The following RAPGEF4 variants were observed in gnomAD, a reference collection of about 807,000 sequenced individuals.
The protein encoded by RAPGEF4 is RAP guanine-nucleotide-exchange factor (GEF) 4.
Under a neutral mutation model 147.9 loss-of-function variants are expected in RAPGEF4, and 66 were observed. The observed-to-expected ratio is 0.45, with a 90% CI of 0.37 to 0.55. RAPGEF4 has a LOEUF of 0.55. RAPGEF4 is among the 20% of genes least tolerant of loss of function. The probability of loss-of-function intolerance (pLI) is 0.00; values close to 1 mark genes in which losing one functional copy is unlikely to be tolerated. For synonymous variants in RAPGEF4, 419 were observed against 442.7 expected (o/e 0.95, Z 0.67); for missense variants, 1,071 against 1,257.3 (o/e 0.85, Z 2.24).
At chr2:172,831,449 A>T (rs1270479302) in intron 4 of RAPGEF4, among the ~76,000 whole-genome samples, 1 of 151,304 alleles carries the variant, frequency 6.6e-6, no homozygotes, top group East Asian at 1.9e-4. Flanking sequence ...TTGTATGTTT[A>T]GTAGAGATGG....
chr2:172,751,718 T>C (rs1171858569), intron 1 of RAPGEF4, among the ~76,000 whole-genome samples: 7 of 152,208 alleles, frequency 4.6e-5, no homozygotes, highest in African/African-American at 1.7e-4. Flanking sequence ...CAGACTTTAC[T>C]AAATAGGTGG....
At position 172,988,786 on chromosome 2, in the gene RAPGEF4, G is replaced by A. The variant is rs776865942; in HGVS notation, c.1321G>A (p.Asp441Asn). ...AGCTGCCTCTATCGTCTTACGAGAAGATAACTGCCATTTCTTAAGAGTAGA... is the reference window on the plus strand; with the variant it reads ...AGCTGCCTCTATCGTCTTACGAGAAAATAACTGCCATTTCTTAAGAGTAGA... ...PRAASIVLRE[D>N]NCHFLRVDKE... Residue 441 changes from aspartate (D) to asparagine (N), a missense_variant, in exon 14 of 31, where the codon GAT (aspartate) becomes AAT (asparagine). Transcript: ENST00000397081. 1 of 1,613,694 alleles carries A rather than the reference G, an allele frequency of 6.2e-7. No individual in the cohort carries two copies. Among genetic ancestry groups the A allele is most frequent in the South Asian group, 1.1e-5 (1 of 91,080 alleles).
chr2:173,019,690 T>TC (rs893230243), intron 22 of RAPGEF4, among the ~76,000 whole-genome samples: 59 of 152,324 alleles, frequency 3.9e-4, no homozygotes, highest in African/African-American at 1.1e-3. Context: ...CCATTTCTGC[T>TC]CCAGTTGCAC....
At chr2:172,763,269 G>T (rs897751733) in intron 1 of RAPGEF4, among the ~76,000 whole-genome samples, 3 of 152,144 alleles carry the variant, frequency 2.0e-5, no homozygotes, top group African/African-American at 7.2e-5. Flanking sequence ...ACATTCAAAA[G>T]AATTTTTATA....
At chr2:172,987,723 G>T (rs144455320) in intron 12 of RAPGEF4, among the ~76,000 whole-genome samples, 23 of 152,338 alleles carry the variant, frequency 1.5e-4, no homozygotes, top group South Asian at 2.1e-4. Flanking sequence ...AGGGGCTTGA[G>T]CATCTGTGGA....
Position 172,797,588 on chromosome 2 carries a change from A to C in RAPGEF4, c.272A>C (p.Lys91Thr). The stretch of plus-strand genomic sequence containing the variant: ...GTCCTGGCAGGGTCTTTGGATGTTA[A>C]AGTATCTGAGACCAGCAGTCACCAG... ...YAVLAGSLDV[K>T]VSETSSHQDA... is the part of the protein sequence containing the mutation. The change falls in exon 3 of 31, where the codon AAA (lysine) becomes ACA (threonine). Residue 91 changes from lysine (K) to threonine (T), a missense_variant. Physicochemically the swap from Lys to Thr is moderately conservative, Grantham distance 78 (BLOSUM62 -1). Coordinates refer to ENST00000397081, the MANE Select transcript of RAPGEF4 (RefSeq NM_007023.4). 6.2e-7 allele frequency: 1 copy of C among 1,613,704 alleles called. No individual in the cohort carries two copies. The highest frequency in any genetic ancestry group is 1.1e-5 in the South Asian group (1 of 90,966).
chr2:172,985,318 T>C, intron 11 of RAPGEF4, 115 bp from the exon 12 acceptor site: 1 of 1,407,984 alleles, frequency 7.1e-7, no homozygotes, highest in South Asian at 1.2e-5. Context: ...AGGTGAGAGA[T>C]GACTGCATGG....
Position 172,974,175 on chromosome 2 carries a change from A to C in RAPGEF4, c.1004+6731A>C, listed in dbSNP as rs377055099. ...ATTTAACATTACTCCCATTTTATGG[A>C]CAAGGAGACAGAGGCTTAGGCTGAG... On this transcript the variant is annotated intron_variant, in intron 10 of 30. Transcript: ENST00000397081. Among the ~76,000 whole-genome samples, 15 of 152,306 alleles carry C rather than the reference A, an allele frequency of 9.8e-5. 1 individual carries two copies. Among genetic ancestry groups the C allele is most frequent in the African/African-American group, 3.4e-4 (14 of 41,562 alleles).
chr2:173,000,800 C>G (rs1371791355), intron 16 of RAPGEF4, among the ~76,000 whole-genome samples: 2 of 139,496 alleles, frequency 1.4e-5, no homozygotes, highest in African/African-American at 2.7e-5. Flanking sequence ...ATTCTCTGCT[C>G]TTACCACGTC....
intron 4 of RAPGEF4, among the ~76,000 whole-genome samples, chr2:172,816,259 T>C (rs1006732467): frequency 6.6e-6 from 1 of 151,988 alleles, no homozygotes; most frequent in Non-Finnish European, 1.5e-5. Context: ...TAAGTCTCTC[T>C]CTCTCTCTCT....
chr2:173,010,712 A>C (rs1437143080), intron 17 of RAPGEF4, among the ~76,000 whole-genome samples: 2 of 152,222 alleles, frequency 1.3e-5, no homozygotes, highest in Non-Finnish European at 2.9e-5. Flanking sequence ...GGAGATTGTT[A>C]TGGGAATGAA....
chr2:172,772,415 C>T (rs1181048573), intron 1 of RAPGEF4, among the ~76,000 whole-genome samples: 1 of 151,820 alleles, frequency 6.6e-6, no homozygotes, highest in Non-Finnish European at 1.5e-5. Flanking sequence ...GCAATCTTGG[C>T]TCACTGCAGC....
At chr2:172,817,059 C>G (rs1246672447) in intron 4 of RAPGEF4, among the ~76,000 whole-genome samples, 1 of 152,116 alleles carries the variant, frequency 6.6e-6, no homozygotes, top group African/African-American at 2.4e-5. Flanking sequence ...AAAGTACCTT[C>G]TGAATAAAAA....
In RAPGEF4 at chr2:172,985,507, T is replaced by C. The variant is rs1287424666; in HGVS notation, c.1150+14T>C. On this transcript the variant is annotated intron_variant, in intron 12 of 30. Transcript: ENST00000397081. Reference sequence around the variant, plus strand: ...GAGGGACTGTGTGTAAGTGAAAAGCTGTACTGGAACCTTGCGCCTGGCCAG... The same window carrying C: ...GAGGGACTGTGTGTAAGTGAAAAGCCGTACTGGAACCTTGCGCCTGGCCAG... The C allele has an allele frequency of 1.2e-6, 2 of 1,612,762 alleles. No individual in the cohort carries two copies. Among genetic ancestry groups the C allele is most frequent in the African/African-American group, 2.7e-5 (2 of 74,808 alleles).
At chr2:172,792,276 C>T (rs1211323745) in intron 1 of RAPGEF4, among the ~76,000 whole-genome samples, 1 of 152,236 alleles carries the variant, frequency 6.6e-6, no homozygotes, top group Non-Finnish European at 1.5e-5. Context: ...GTCCATACCA[C>T]CTTATTAACT....
rs1326624403 is a variant in RAPGEF4, at chr2:172,917,847, G to A, written c.490G>A (p.Val164Ile). The change falls in exon 5 of 31, where the codon GTT (valine) becomes ATT (isoleucine). Residue 164 changes from valine to isoleucine, a missense_variant. Coordinates refer to ENST00000397081, the MANE Select transcript of RAPGEF4 (RefSeq NM_007023.4). ...AGGACTTCTGGCTCCTCCTTATGGTGTTATGGAAACGGGCTCTAACAATGA... is the reference window on the plus strand; with the variant it reads ...AGGACTTCTGGCTCCTCCTTATGGTATTATGGAAACGGGCTCTAACAATGA... ...MAGLLAPPYG[V>I]METGSNNDRI... The A allele has an allele frequency of 1.2e-6, 2 of 1,613,916 alleles. No individual in the cohort carries two copies. The highest frequency in any genetic ancestry group is 1.3e-5 in the African/African-American group (1 of 75,044).
chr2:172,913,752 TAGAG>T (rs1683715087), intron 4 of RAPGEF4, among the ~76,000 whole-genome samples: 2 of 152,216 alleles, frequency 1.3e-5, no homozygotes, highest in South Asian at 4.1e-4. Flanking sequence ...TGAAATCTAT[TAGAG>T]AGTTTAATAA....
In RAPGEF4 at chr2:173,019,697, G is replaced by T. The variant is rs557514143; in HGVS notation, c.2155+895G>T. 3.9e-5 allele frequency among the ~76,000 whole-genome samples: 6 copies of T among 152,256 alleles called. No homozygotes were observed. In the South Asian group the frequency reaches 1.2e-3, roughly 32 times the overall value. On this transcript the variant is annotated intron_variant, in intron 22 of 30. Coordinates refer to ENST00000397081, the MANE Select transcript of RAPGEF4 (RefSeq NM_007023.4). ...TCTCCCTTCCATTTCTGCTCCAGTT[G>T]CACAAGGCCCAGGATGTCTGCCCTC... is the stretch of plus-strand genomic sequence containing the variant.
intron 6 of RAPGEF4, chr2:172,928,110 C>T (rs1324518741): frequency 2.3e-6 from 1 of 435,200 alleles, no homozygotes; most frequent in Non-Finnish European, 4.6e-6. Context: ...AAGCGTAACC[C>T]CCGAGCCAGG....
Sources: allele counts gnomAD v4.1 joint callset (sites outside exome capture counted in the v4.1 genomes callset), GRCh38; gene constraint gnomAD v4.1.1; transcripts MANE v1.5; gene names NCBI Gene and HGNC (gene_info 2026-07-23, HGNC 2026-07-21).